PLCB1: variants seen among roughly 807,000 people sequenced by gnomAD.
PLCB1 encodes the protein phospholipase C beta 1.
PLCB1 carries 46 observed loss-of-function variants against 161.8 expected under a neutral mutation model. The ratio of observed to expected loss-of-function variants is 0.28; its 90% confidence interval spans 0.22 to 0.36. The LOEUF (loss-of-function observed/expected upper bound fraction) is 0.36, where lower values mean the gene tolerates loss of function less well. PLCB1 is among the 10% of genes least tolerant of loss of function. The pLI is 1.00. For synonymous variants in PLCB1, 517 were observed against 503.7 expected (o/e 1.03, Z -0.35); for missense variants, 1,016 against 1,472.5 (o/e 0.69, Z 5.07).
rs117816042 is a variant in PLCB1, at chr20:8,740,329, A to C, written c.2309-15A>C. On this transcript the variant is annotated splice_polypyrimidine_tract_variant and intron_variant, in intron 21 of 31. Coordinates refer to ENST00000338037, the MANE Select transcript of PLCB1 (RefSeq NM_015192.4). The stretch of plus-strand genomic sequence containing the variant: ...AAGGAAATATGTGCTACACAGCATT[A>C]TTCTCACCTTCCAGGCTATCACTAT... 6.8e-3 allele frequency: 9,642 copies of C among 1,412,042 alleles called. 39 individuals are homozygous for C. Among genetic ancestry groups the C allele is most frequent in the Non-Finnish European group, 8.1e-3 (8,123 of 1,000,736 alleles). The allele number at this position is 1,412,042 out of a possible 1,614,324, so 87.5% of individuals were successfully genotyped here. A position where few individuals can be genotyped will look rare whatever the true frequency, so the allele number is the denominator to read the frequency against.
intron 3 of PLCB1, among the ~76,000 whole-genome samples, chr20:8,482,012 ATTAT>A (rs1248264922): frequency 6.6e-6 from 1 of 151,504 alleles, no homozygotes; most frequent in Non-Finnish European, 1.5e-5. Context: ...AGCTTGAAGA[ATTAT>A]TTTAGTATGC....
At chr20:8,496,458 C>T (rs78014972) in intron 3 of PLCB1, among the ~76,000 whole-genome samples, 4,605 of 152,232 alleles carry the variant, frequency 0.03, 225 homozygotes, top group African/African-American at 0.1. Flanking sequence ...AAGCAGTGAT[C>T]GCGCCACTGC....
chr20:8,803,595 G>T (rs1158368596), intron 31 of PLCB1, among the ~76,000 whole-genome samples: 5 of 152,086 alleles, frequency 3.3e-5, no homozygotes, highest in African/African-American at 1.2e-4. Context: ...ATTGGAAGGT[G>T]AGTAGAGGAC....
intron 3 of PLCB1, among the ~76,000 whole-genome samples, chr20:8,515,060 CAAAA>C (rs1226808020): frequency 6.6e-6 from 1 of 151,612 alleles, no homozygotes; most frequent in African/African-American, 2.4e-5. Context: ...GACAGGAAGA[CAAAA>C]AACAAAAACA....
chr20:8,514,423 C>A (rs1984024040), intron 3 of PLCB1, among the ~76,000 whole-genome samples: 1 of 130,780 alleles, frequency 7.6e-6, no homozygotes. Context: ...CTGCGCTGGG[C>A]AACAGAGCGA....
At chr20:8,490,942 T>G (rs1452207773) in intron 3 of PLCB1, among the ~76,000 whole-genome samples, 3 of 148,700 alleles carry the variant, frequency 2.0e-5, no homozygotes, top group Non-Finnish European at 3.0e-5. Context: ...GTGTGTGTGT[T>G]TTTCTTAATA....
intron 3 of PLCB1, among the ~76,000 whole-genome samples, chr20:8,562,650 TA>T (rs1333586534): frequency 2.6e-5 from 4 of 152,086 alleles, no homozygotes; most frequent in Non-Finnish European, 5.9e-5. Context: ...TCTGTGGACT[TA>T]AAATTGCATT....
intron 7 of PLCB1, chr20:8,651,316 T>C (rs1478272690): frequency 1.5e-6 from 1 of 650,376 alleles, no homozygotes; most frequent in Admixed American, 2.6e-5. Flanking sequence ...CAATTATTGT[T>C]GTGAAGACTT....
intron 23 of PLCB1, chr20:8,752,271 T>G (rs1430775527): frequency 1.3e-5 from 2 of 152,238 alleles, no homozygotes; most frequent in Non-Finnish European, 2.9e-5. Flanking sequence ...ATTCAAATAC[T>G]TGTTCACAGT....
At chr20:8,609,800 C>G (rs1340310679) in intron 3 of PLCB1, among the ~76,000 whole-genome samples, 1 of 152,128 alleles carries the variant, frequency 6.6e-6, no homozygotes, top group Non-Finnish European at 1.5e-5. Context: ...CAGGTGTCAG[C>G]CACCATGGCC....
At chr20:8,166,854 C>T (rs2051680760) in intron 2 of PLCB1, among the ~76,000 whole-genome samples, 1 of 152,144 alleles carries the variant, frequency 6.6e-6, no homozygotes, top group Non-Finnish European at 1.5e-5. Flanking sequence ...TTTTCCTCTG[C>T]TTGGAACACA....
chr20:8,318,304 C>G (rs1984752335), intron 2 of PLCB1, among the ~76,000 whole-genome samples: 1 of 152,074 alleles, frequency 6.6e-6, no homozygotes, highest in South Asian at 2.1e-4. Flanking sequence ...AATTCCTAAC[C>G]TGATTTTCTA....
intron 3 of PLCB1, among the ~76,000 whole-genome samples, chr20:8,458,427 G>A (rs759305282): frequency 6.6e-6 from 1 of 152,022 alleles, no homozygotes; most frequent in Non-Finnish European, 1.5e-5. Context: ...AAATTCTAAT[G>A]TCCTAGGTTC....
At chr20:8,720,633 T>C (rs551407494) in intron 14 of PLCB1, among the ~76,000 whole-genome samples, 1 of 152,204 alleles carries the variant, frequency 6.6e-6, no homozygotes, top group African/African-American at 2.4e-5. Context: ...TCAACAAGAT[T>C]CCCCCAACAT....
At chr20:8,659,700 G>A (rs1260804247) in intron 9 of PLCB1, among the ~76,000 whole-genome samples, 7 of 151,996 alleles carry the variant, frequency 4.6e-5, no homozygotes, top group Non-Finnish European at 8.8e-5. Flanking sequence ...AAATCATGAA[G>A]TATAAATGGG....
intron 18 of PLCB1, among the ~76,000 whole-genome samples, chr20:8,731,794 A>G (rs951034309): frequency 6.6e-6 from 1 of 151,974 alleles, no homozygotes; most frequent in African/African-American, 2.4e-5. Context: ...TTTTGAAGCT[A>G]ATTTTTTCAA....
intron 31 of PLCB1, among the ~76,000 whole-genome samples, chr20:8,880,474 T>C (rs897993641): frequency 2.0e-5 from 3 of 152,134 alleles, no homozygotes; most frequent in Non-Finnish European, 2.9e-5. Context: ...GTTTAAAGGG[T>C]AGCTAAAATA....
At chr20:8,381,284 G>A (rs1987244989) in intron 3 of PLCB1, among the ~76,000 whole-genome samples, 2 of 152,202 alleles carry the variant, frequency 1.3e-5, no homozygotes, top group South Asian at 2.1e-4. Context: ...GCATACCAGG[G>A]ATGAAGCTGT....
intron 3 of PLCB1, among the ~76,000 whole-genome samples, chr20:8,500,454 G>A (rs1226714516): frequency 6.6e-6 from 1 of 152,126 alleles, no homozygotes; most frequent in Non-Finnish European, 1.5e-5. Context: ...AGAGCCTACT[G>A]TAATCCATTA....
Sources: allele counts gnomAD v4.1 joint callset (sites outside exome capture counted in the v4.1 genomes callset), GRCh38; gene constraint gnomAD v4.1.1; transcripts MANE v1.5; gene names NCBI Gene and HGNC (gene_info 2026-07-23, HGNC 2026-07-21).